EXT1: variants seen among roughly 807,000 people sequenced by gnomAD.
The protein encoded by EXT1 is exostosin glycosyltransferase 1.
EXT1 carries 20 observed loss-of-function variants against 82.5 expected under a neutral mutation model. The observed-to-expected ratio is 0.24, with a 90% confidence interval of 0.17 to 0.35. The LOEUF is 0.35. EXT1 is among the 10% of genes least tolerant of loss of function. The pLI is 1.00. For missense variants in EXT1, 757 were observed against 936.5 expected, an observed-to-expected ratio of 0.81 and a Z score of 2.50; for synonymous variants, 348 against 350.8, an observed-to-expected ratio of 0.99 and a Z score of 0.09.
At chr8:117,932,532 A>C (rs1814080888) in intron 1 of EXT1, among the ~76,000 whole-genome samples, 1 of 152,086 alleles carries the variant, frequency 6.6e-6, no homozygotes, top group Non-Finnish European at 1.5e-5. Flanking sequence ...CCCACTCAAA[A>C]CATAAACATA....
chr8:117,914,169 G>C (rs1439385678), intron 1 of EXT1, among the ~76,000 whole-genome samples: 1 of 152,216 alleles, frequency 6.6e-6, no homozygotes, highest in African/African-American at 2.4e-5. Context: ...CGAACAGAGG[G>C]ACCGGCTGGA....
chr8:117,908,087 T>A (rs2129982608), intron 1 of EXT1, among the ~76,000 whole-genome samples: 1 of 152,324 alleles, frequency 6.6e-6, no homozygotes, highest in Non-Finnish European at 1.5e-5. Context: ...AACATTAAAG[T>A]TTCACTAATT....
At chr8:118,072,830 C>A (rs904437010) in intron 1 of EXT1, among the ~76,000 whole-genome samples, 1 of 152,102 alleles carries the variant, frequency 6.6e-6, no homozygotes, top group Non-Finnish European at 1.5e-5. Flanking sequence ...ATAAAGAAAT[C>A]GAGAGAAAAA....
chr8:118,010,177 C>T lies in EXT1; in HGVS notation c.962+99908G>A, dbSNP rs1815868474. ...CACGAGGTCAGGAGCTCGAGACCAT[C>T]CTGGCTAACACAGTGAAACCCCATC... On this transcript the variant is annotated intron_variant, in intron 1 of 10. Coordinates refer to ENST00000378204, the MANE Select transcript of EXT1 (RefSeq NM_000127.3). Among the ~76,000 whole-genome samples the T allele has an allele frequency of 5.3e-5, 8 of 151,980 alleles. No homozygotes were observed. In the South Asian group the frequency reaches 1.7e-3, roughly 32 times the overall value.
At chr8:118,036,567 G>GT (rs1816422721) in intron 1 of EXT1, among the ~76,000 whole-genome samples, 1 of 152,154 alleles carries the variant, frequency 6.6e-6, no homozygotes, top group African/African-American at 2.4e-5. Context: ...GTTGAGCAGA[G>GT]TAGAATTATG....
intron 9 of EXT1, among the ~76,000 whole-genome samples, 200 bp downstream of exon 9, chr8:117,807,017 A>G (rs1455904439): frequency 6.6e-6 from 1 of 152,226 alleles, no homozygotes; most frequent in Admixed American, 6.5e-5. Context: ...TTACTCTACC[A>G]TAATTTCTGG....
chr8:117,950,573 G>T (rs1342824431), intron 1 of EXT1, among the ~76,000 whole-genome samples: 4 of 152,188 alleles, frequency 2.6e-5, no homozygotes, highest in Admixed American at 6.5e-5. Context: ...AAAGGAAAGA[G>T]GCCACAATAG....
intron 1 of EXT1, among the ~76,000 whole-genome samples, chr8:118,007,210 C>T (rs550289202): frequency 7.2e-5 from 11 of 152,030 alleles, no homozygotes; most frequent in South Asian, 2.1e-4. Context: ...GGCAGGAGAA[C>T]GGCGTGAACC....
At chr8:117,837,348 G>A (rs964965705) in intron 1 of EXT1, 147 bp from the exon 2 acceptor site, 46 of 710,378 alleles carry the variant, frequency 6.5e-5, no homozygotes, top group Non-Finnish European at 8.0e-5. Context: ...CCATTTTGAG[G>A]AAGGAGGTTG....
At chr8:117,811,677 T>C (rs536770362) in intron 8 of EXT1, among the ~76,000 whole-genome samples, 8 of 151,374 alleles carry the variant, frequency 5.3e-5, no homozygotes, top group African/African-American at 1.9e-4. Context: ...AGTGCAATGG[T>C]ACGATGTCCG....
intron 1 of EXT1, among the ~76,000 whole-genome samples, chr8:117,860,549 A>T (rs1812664342): frequency 6.6e-6 from 1 of 152,242 alleles, no homozygotes; most frequent in African/African-American, 2.4e-5. Context: ...AGGAAAGAGT[A>T]TCTATTACAT....
At chr8:117,829,555 T>TTA (rs1225977162) in intron 4 of EXT1, among the ~76,000 whole-genome samples, 1 of 148,084 alleles carries the variant, frequency 6.8e-6, no homozygotes, top group East Asian at 2.0e-4. Context: ...TACTTGGCCA[T>TTA]TATATATATT....
chr8:117,936,273 T>C (rs1357660233), intron 1 of EXT1, among the ~76,000 whole-genome samples: 2 of 149,618 alleles, frequency 1.3e-5, no homozygotes, highest in Admixed American at 1.3e-4. Context: ...TGTGGATCTA[T>C]ACTCCACATA....
intron 1 of EXT1, among the ~76,000 whole-genome samples, chr8:117,838,637 A>T (rs2129795269): frequency 6.6e-6 from 1 of 152,246 alleles, no homozygotes; most frequent in African/African-American, 2.4e-5. Context: ...AATTTAGTTA[A>T]ATATAAAAAA....
chr8:117,923,099 T>C (rs914820682), intron 1 of EXT1, among the ~76,000 whole-genome samples: 2 of 149,096 alleles, frequency 1.3e-5, no homozygotes, highest in Non-Finnish European at 3.0e-5. Context: ...CCGAGGTGGG[T>C]GGATCACTTG....
chr8:118,062,249 TC>T (rs1318439482), intron 1 of EXT1, among the ~76,000 whole-genome samples: 1 of 152,180 alleles, frequency 6.6e-6, no homozygotes, highest in Admixed American at 6.5e-5. Flanking sequence ...CATGGACAGC[TC>T]ACTGAGTTGC....
chr8:117,796,364 T>G lies in EXT1; in HGVS notation c.*3348A>C, dbSNP rs928877116. 7.2e-5 allele frequency: 11 copies of G among 151,998 alleles called. No homozygotes were observed. The highest frequency in any genetic ancestry group is 1.3e-4 in the Non-Finnish European group (9 of 67,990). 9.4% of individuals were successfully genotyped at this position (151,998 alleles called of 1,614,324 possible). A position where few individuals can be genotyped will look rare whatever the true frequency, so the allele number is the denominator to read the frequency against. ...GTTCTTAAATCAAGTGCCCTGTTTT[T>G]TTTTTTTTTAATTAAAAAAAATAGT... On this transcript the variant is annotated 3_prime_UTR_variant, in exon 11 of 11. Transcript: ENST00000378204.
intron 1 of EXT1, among the ~76,000 whole-genome samples, chr8:117,983,622 A>AC (rs1473515443): frequency 2.0e-5 from 3 of 152,202 alleles, no homozygotes; most frequent in Non-Finnish European, 2.9e-5. Flanking sequence ...AACAACAACA[A>AC]AATAGAGGCA....
chr8:117,801,133 C>T (rs907770240), intron 10 of EXT1, among the ~76,000 whole-genome samples: 2 of 152,288 alleles, frequency 1.3e-5, no homozygotes, highest in Admixed American at 6.5e-5. Flanking sequence ...TCAACATGCT[C>T]GAAAATAACA....
Sources: allele counts gnomAD v4.1 joint callset (sites outside exome capture counted in the v4.1 genomes callset), GRCh38; gene constraint gnomAD v4.1.1; transcripts MANE v1.5; gene names NCBI Gene and HGNC (gene_info 2026-07-23, HGNC 2026-07-21).